Variants in PTPRO observed in about 807,000 individuals in gnomAD.
The protein encoded by PTPRO is receptor-type tyrosine-protein phosphatase O.
In PTPRO, 62 loss-of-function variants were observed where a neutral mutation model predicts 145.2. The observed-to-expected ratio is 0.43, with a 90% CI of 0.35 to 0.53. PTPRO has a LOEUF of 0.53. PTPRO is among the 20% of genes least tolerant of loss of function. PTPRO has a pLI of 0.01. For missense variants in PTPRO, 1,345 were observed against 1,482.7 expected (o/e 0.91, Z 1.53); for synonymous variants, 565 against 514.7 (o/e 1.10, Z -1.32).
chr12:15,385,310 G>C (rs1938988792), intron 1 of PTPRO, among the ~76,000 whole-genome samples: 1 of 152,146 alleles, frequency 6.6e-6, no homozygotes, highest in South Asian at 2.1e-4. Context: ...GTACCAAGGA[G>C]AAGTATAACG....
At chr12:15,562,604 G>T (rs1166874267) in intron 17 of PTPRO, among the ~76,000 whole-genome samples, 1 of 152,124 alleles carries the variant, frequency 6.6e-6, no homozygotes, top group East Asian at 1.9e-4. Flanking sequence ...GAATCAGTGT[G>T]GAGCACCAGT....
intron 1 of PTPRO, among the ~76,000 whole-genome samples, chr12:15,424,652 CT>C (rs2136331858): frequency 6.6e-6 from 1 of 152,060 alleles, no homozygotes; most frequent in South Asian, 2.1e-4. Context: ...GTCACCTTAT[CT>C]CTTCTGATAA....
intron 1 of PTPRO, among the ~76,000 whole-genome samples, chr12:15,326,100 T>G (rs1389928811): frequency 2.0e-5 from 3 of 152,184 alleles, no homozygotes; most frequent in Non-Finnish European, 4.4e-5. Context: ...CTGTCTGCCT[T>G]TCCTTTCCTA....
intron 1 of PTPRO, among the ~76,000 whole-genome samples, chr12:15,390,683 G>A (rs1939164438): frequency 6.6e-6 from 1 of 152,160 alleles, no homozygotes. Flanking sequence ...GGCCCAAAGT[G>A]AGATACCATA....
At position 15,409,875 on chromosome 12, in the gene PTPRO, C is replaced by T. The variant is rs908945130; in HGVS notation, c.76-74099C>T. Among the ~76,000 whole-genome samples, 11 of 152,314 alleles carry T rather than the reference C, an allele frequency of 7.2e-5. No individual in the cohort carries two copies. In the East Asian group the frequency reaches 7.7e-4, roughly 11 times the overall value. ...CATGACCCAATCACCTCGCACCAGG[C>T]GCTATCTCCAGCATTGGGGATTACA... is the stretch of plus-strand genomic sequence containing the variant. On this transcript the variant is annotated intron_variant, in intron 1 of 26. Transcript: ENST00000281171.
intron 2 of PTPRO, among the ~76,000 whole-genome samples, chr12:15,496,965 T>G (rs2111172): frequency 6.6e-6 from 1 of 152,268 alleles, no homozygotes; most frequent in Middle Eastern, 3.4e-3. Context: ...ATAGGTGGGA[T>G]GGAGATATTT....
chr12:15,430,817 T>A (rs1940415205), intron 1 of PTPRO, among the ~76,000 whole-genome samples: 1 of 152,144 alleles, frequency 6.6e-6, no homozygotes. Flanking sequence ...CAAAAAATTA[T>A]GTTGTACGGT....
At chr12:15,540,110 A>T (rs182126524) in intron 12 of PTPRO, among the ~76,000 whole-genome samples, 3 of 152,240 alleles carry the variant, frequency 2.0e-5, no homozygotes, top group Admixed American at 6.5e-5. Flanking sequence ...ACCCTGAATA[A>T]TTTCTATACC....
chr12:15,412,402 T>A (rs745316485), intron 1 of PTPRO, among the ~76,000 whole-genome samples: 11 of 152,252 alleles, frequency 7.2e-5, no homozygotes, highest in Non-Finnish European at 1.5e-4. Flanking sequence ...TGAAAGGCTA[T>A]CATGGGGTCA....
At chr12:15,381,404 G>C (rs1306445296) in intron 1 of PTPRO, among the ~76,000 whole-genome samples, 1 of 152,098 alleles carries the variant, frequency 6.6e-6, no homozygotes, top group African/African-American at 2.4e-5. Flanking sequence ...TATCTCCATG[G>C]TTGTTTTCTA....
At chr12:15,483,603 G>A (rs550827089) in intron 1 of PTPRO, among the ~76,000 whole-genome samples, 6 of 152,178 alleles carry the variant, frequency 3.9e-5, no homozygotes, top group Non-Finnish European at 8.8e-5. Context: ...AACTTTGCCA[G>A]CACAGTTGAA....
At chr12:15,390,003 C>T (rs553346224) in intron 1 of PTPRO, among the ~76,000 whole-genome samples, 1 of 152,202 alleles carries the variant, frequency 6.6e-6, no homozygotes, top group African/African-American at 2.4e-5. Flanking sequence ...AGAGAACATA[C>T]ATGAGAGGCA....
At chr12:15,546,801 T>C (rs1163500614) in intron 13 of PTPRO, 93 bp downstream of exon 13, 2 of 1,536,020 alleles carry the variant, frequency 1.3e-6, no homozygotes, top group African/African-American at 1.4e-5. Context: ...TTGAGCTATA[T>C]AAAATGAAAA....
Position 15,523,287 on chromosome 12 carries a change from A to G in PTPRO, c.1892-1527A>G, listed in dbSNP as rs912961706. On this transcript the variant is annotated intron_variant, in intron 10 of 26. Coordinates refer to ENST00000281171, the MANE Select transcript of PTPRO (RefSeq NM_030667.3). ...TAGATTTTAGTTGACATTGTGCTGT[A>G]TCTCAGAATGGAACACCGACTGTCT... 1.4e-4 allele frequency among the ~76,000 whole-genome samples: 21 copies of G among 152,370 alleles called. 1 individual carries two copies. The South Asian group carries it at 3.1e-3, about 23-fold the overall frequency.
At chr12:15,455,305 C>T (rs1941146502) in intron 1 of PTPRO, among the ~76,000 whole-genome samples, 2 of 151,314 alleles carry the variant, frequency 1.3e-5, no homozygotes. Context: ...TCCCCACTGC[C>T]CCTTCCCCCC....
At chr12:15,440,132 A>G in intron 1 of PTPRO, 1 of 648,458 alleles carries the variant, frequency 1.5e-6, no homozygotes, top group East Asian at 2.9e-5. Flanking sequence ...GAACATTGGC[A>G]TCATCTCAGC....
chr12:15,500,089 GGA>G (rs1565666834), intron 4 of PTPRO, among the ~76,000 whole-genome samples: 22 of 151,788 alleles, frequency 1.4e-4, no homozygotes, highest in African/African-American at 1.9e-4. Flanking sequence ...ATGGGTGGAT[GGA>G]TGGATGGATG....
At chr12:15,357,617 CA>C (rs1410352618) in intron 1 of PTPRO, among the ~76,000 whole-genome samples, 1 of 151,126 alleles carries the variant, frequency 6.6e-6, no homozygotes, top group Non-Finnish European at 1.5e-5. Flanking sequence ...TTTATGCAGC[CA>C]AAAAACACAT....
chr12:15,371,096 T>A (rs7965903), intron 1 of PTPRO, among the ~76,000 whole-genome samples: 25,654 of 152,146 alleles, frequency 0.17, 5,134 homozygotes, highest in African/African-American at 0.48. Flanking sequence ...AGTTAGTGAG[T>A]TAATGATTTT....
Sources: gnomAD v4.1 joint callset for allele counts (sites outside exome capture counted in the v4.1 genomes callset) on GRCh38, gnomAD v4.1.1 for gene constraint, MANE v1.5 for transcripts, NCBI Gene and HGNC (gene_info 2026-07-23, HGNC 2026-07-21) for gene names.